QKI: variants seen among roughly 807,000 people sequenced by gnomAD.
QKI encodes the protein QKI, KH domain containing RNA binding, also known as KH domain-containing RNA-binding protein QKI.
QKI carries 10 observed loss-of-function variants against 39.0 expected under a neutral mutation model. The ratio of observed to expected loss-of-function variants is 0.26; its 90% CI spans 0.16 to 0.43. The LOEUF is 0.43. QKI is among the 20% of genes least tolerant of loss of function. QKI has a pLI of 1.00. For missense variants in QKI, 218 were observed against 428.0 expected, an observed-to-expected ratio of 0.51 and a Z score of 4.33; for synonymous variants, 204 against 155.4, an observed-to-expected ratio of 1.31 and a Z score of -2.33.
intron 1 of QKI, among the ~76,000 whole-genome samples, chr6:163,431,675 A>T (rs1189154669): frequency 6.6e-6 from 1 of 152,082 alleles, no homozygotes; most frequent in African/African-American, 2.4e-5. Flanking sequence ...TATTAATAGA[A>T]TATATTATCT....
At chr6:163,508,867 G>A (rs1042191390) in intron 3 of QKI, among the ~76,000 whole-genome samples, 2 of 151,742 alleles carry the variant, frequency 1.3e-5, no homozygotes, top group Non-Finnish European at 2.9e-5. Flanking sequence ...GGCCGGGCAC[G>A]GTGGCTCACA....
chr6:163,439,657 T>TTC (rs1463172709), intron 1 of QKI, among the ~76,000 whole-genome samples: 2 of 74,280 alleles, frequency 2.7e-5, no homozygotes, highest in African/African-American at 1.3e-4. Flanking sequence ...TCCTGAATCC[T>TTC]TTTTTTTTTT....
intron 1 of QKI, among the ~76,000 whole-genome samples, chr6:163,427,203 A>G (rs1788471662): frequency 7.4e-6 from 1 of 134,678 alleles, no homozygotes; most frequent in South Asian, 2.3e-4. Flanking sequence ...TATATTTTCA[A>G]TTCAATTTTT....
intron 1 of QKI, among the ~76,000 whole-genome samples, chr6:163,423,945 C>G (rs1407933026): frequency 6.6e-6 from 1 of 152,044 alleles, no homozygotes; most frequent in Non-Finnish European, 1.5e-5. Context: ...GTAAACAGCC[C>G]AATGATATAT....
chr6:163,429,352 C>G (rs985183743), intron 1 of QKI, among the ~76,000 whole-genome samples: 4 of 152,208 alleles, frequency 2.6e-5, no homozygotes, highest in African/African-American at 7.2e-5. Flanking sequence ...AGTCCCCCCC[C>G]ACCAGTGTTT....
intron 1 of QKI, among the ~76,000 whole-genome samples, chr6:163,421,779 C>T (rs542264079): frequency 5.3e-5 from 8 of 151,002 alleles, no homozygotes; most frequent in Non-Finnish European, 7.4e-5. Flanking sequence ...GAGTCTCGCT[C>T]TGTCACCCAG....
At chr6:163,416,435 CCTG>C (rs1787511698) in intron 1 of QKI, 1 of 157,324 alleles carries the variant, frequency 6.4e-6, no homozygotes, top group Admixed American at 6.1e-5. Flanking sequence ...GTTTTTTTTT[CCTG>C]CTTAGAGGCA....
chr6:163,551,226 A>G (rs1274230677), intron 4 of QKI, among the ~76,000 whole-genome samples: 1 of 152,160 alleles, frequency 6.6e-6, no homozygotes, highest in Non-Finnish European at 1.5e-5. Flanking sequence ...CACCACCAGC[A>G]GCCAGTCAGT....
intron 1 of QKI, among the ~76,000 whole-genome samples, chr6:163,419,529 G>T (rs1190951199): frequency 1.3e-5 from 2 of 152,130 alleles, no homozygotes; most frequent in African/African-American, 4.8e-5. Context: ...CACAGTCCTT[G>T]AATTAGTTGT....
intron 2 of QKI, among the ~76,000 whole-genome samples, chr6:163,466,617 A>G (rs370141856): frequency 3.9e-5 from 6 of 152,202 alleles, no homozygotes; most frequent in African/African-American, 1.2e-4. Flanking sequence ...ATGACTACAC[A>G]ATGGAGAAAG....
intron 3 of QKI, 115 bp from the exon 4 acceptor site, chr6:163,534,867 C>T (rs1053634012): frequency 7.0e-6 from 6 of 855,824 alleles, no homozygotes; most frequent in Non-Finnish European, 1.0e-5. Context: ...CTTGTGCCAT[C>T]ATAGCAAAAT....
intron 4 of QKI, among the ~76,000 whole-genome samples, chr6:163,553,274 T>G (rs1409756532): frequency 6.6e-6 from 1 of 151,898 alleles, no homozygotes; most frequent in Admixed American, 6.6e-5. Context: ...CAGCTAATTT[T>G]GTATTTTTAG....
chr6:163,443,137 C>G (rs542390145), intron 1 of QKI, among the ~76,000 whole-genome samples: 1 of 152,160 alleles, frequency 6.6e-6, no homozygotes, highest in African/African-American at 2.4e-5. Flanking sequence ...ATTACTTTGA[C>G]ATTTGAAGGC....
intron 1 of QKI, among the ~76,000 whole-genome samples, chr6:163,453,615 A>C (rs1414064126): frequency 1.3e-5 from 2 of 152,210 alleles, no homozygotes; most frequent in Admixed American, 6.5e-5. Context: ...ATAAACACCA[A>C]GTTGATACTG....
chr6:163,544,418 T>A (rs1268823837), intron 4 of QKI, among the ~76,000 whole-genome samples: 1 of 152,076 alleles, frequency 6.6e-6, no homozygotes, highest in African/African-American at 2.4e-5. Flanking sequence ...ACAACTGTAC[T>A]TTCAGAGAGA....
chr6:163,480,079 A>G (rs1317234302), intron 3 of QKI, among the ~76,000 whole-genome samples: 1 of 152,176 alleles, frequency 6.6e-6, no homozygotes, highest in Non-Finnish European at 1.5e-5. Context: ...AACTATCTAA[A>G]TATTATTGTT....
intron 2 of QKI, among the ~76,000 whole-genome samples, chr6:163,460,285 A>G (rs985096878): frequency 6.6e-6 from 1 of 152,198 alleles, no homozygotes; most frequent in Admixed American, 6.5e-5. Context: ...TTTGAAAGGC[A>G]TCTCTTGGGT....
intron 5 of QKI, among the ~76,000 whole-genome samples, chr6:163,562,580 G>A (rs1260159717): frequency 2.0e-5 from 3 of 151,866 alleles, no homozygotes; most frequent in Non-Finnish European, 2.9e-5. Flanking sequence ...CTCTTTTTCC[G>A]TCCTATTTTT....
intron 1 of QKI, among the ~76,000 whole-genome samples, chr6:163,425,102 G>C (rs1442349966): frequency 3.3e-5 from 5 of 152,208 alleles, no homozygotes; most frequent in Admixed American, 3.3e-4. Flanking sequence ...TGGTAGTTTA[G>C]AGGATGTCAC....
Sources: allele counts gnomAD v4.1 joint callset (sites outside exome capture counted in the v4.1 genomes callset), GRCh38; gene constraint gnomAD v4.1.1; transcripts MANE v1.5; gene names NCBI Gene and HGNC (gene_info 2026-07-23, HGNC 2026-07-21).